The following TFDP2 variants were observed in gnomAD, a reference collection of about 807,000 sequenced individuals.
TFDP2 encodes the protein transcription factor Dp-2.
Under a neutral mutation model 59.3 loss-of-function variants are expected in TFDP2, and 17 were observed. The observed-to-expected ratio is 0.29, with a 90% confidence interval of 0.20 to 0.43. The LOEUF (loss-of-function observed/expected upper bound fraction) is 0.43, where lower values mean the gene tolerates loss of function less well. Among genes scored for constraint, TFDP2 ranks in the 20% least tolerant of loss-of-function variants. TFDP2 has a pLI of 1.00. For synonymous variants in TFDP2, 180 were observed against 194.7 expected, an observed-to-expected ratio of 0.92 and a Z score of 0.63; for missense variants, 391 against 528.8, an observed-to-expected ratio of 0.74 and a Z score of 2.56.
At chr3:141,980,638 T>C (rs983396580) in intron 6 of TFDP2, among the ~76,000 whole-genome samples, 1 of 152,054 alleles carries the variant, frequency 6.6e-6, no homozygotes, top group African/African-American at 2.4e-5. Flanking sequence ...CGGGTTCAAG[T>C]GATTCTCCTG....
intron 6 of TFDP2, among the ~76,000 whole-genome samples, chr3:141,982,249 G>C (rs1941569923): frequency 6.6e-6 from 1 of 152,092 alleles, no homozygotes; most frequent in East Asian, 1.9e-4. Flanking sequence ...ATTAACTTCA[G>C]ATATTTATTT....
chr3:142,101,903 T>C (rs766339483), intron 1 of TFDP2, 62 bp from the exon 2 acceptor site: 2 of 455,654 alleles, frequency 4.4e-6, no homozygotes, highest in Non-Finnish European at 7.8e-6. Flanking sequence ...ATTTATGTCA[T>C]ATTTACTATG....
At chr3:141,969,055 A>G (rs1193730145) in intron 9 of TFDP2, among the ~76,000 whole-genome samples, 4 of 66,902 alleles carry the variant, frequency 6.0e-5, no homozygotes, top group South Asian at 8.6e-4. Context: ...TATATATAAC[A>G]TATATATCTC....
At chr3:142,061,616 C>T (rs2059915059) in intron 3 of TFDP2, among the ~76,000 whole-genome samples, 1 of 152,076 alleles carries the variant, frequency 6.6e-6, no homozygotes, top group Non-Finnish European at 1.5e-5. Context: ...GGACATTCAT[C>T]TTTTCCTGCC....
At chr3:142,044,194 C>G in intron 3 of TFDP2, 2 of 390,280 alleles carry the variant, frequency 5.1e-6, no homozygotes, top group South Asian at 6.8e-5. Context: ...CCTGAGCATA[C>G]TCATGGCTGC....
At chr3:142,015,968 CTAA>C (rs1945102817) in intron 3 of TFDP2, among the ~76,000 whole-genome samples, 1 of 152,104 alleles carries the variant, frequency 6.6e-6, no homozygotes, top group African/African-American at 2.4e-5. Flanking sequence ...AAATATCTGA[CTAA>C]TAATGTTTAT....
At chr3:141,960,111 T>C (rs1937176723) in intron 10 of TFDP2, among the ~76,000 whole-genome samples, 1 of 152,178 alleles carries the variant, frequency 6.6e-6, no homozygotes, top group Non-Finnish European at 1.5e-5. Context: ...GGATAGAAAT[T>C]TTATTCTAAA....
chr3:142,117,519 C>T (rs1254739971), intron 1 of TFDP2, among the ~76,000 whole-genome samples: 2 of 151,882 alleles, frequency 1.3e-5, no homozygotes, highest in African/African-American at 4.8e-5. Context: ...GAAAAAGACT[C>T]TGTGAGAAAG....
chr3:142,002,167 G>A (rs919540117), intron 4 of TFDP2, among the ~76,000 whole-genome samples: 1 of 151,670 alleles, frequency 6.6e-6, no homozygotes, highest in Non-Finnish European at 1.5e-5. Context: ...GCTAATTTTT[G>A]TATTTTTAGT....
intron 2 of TFDP2, among the ~76,000 whole-genome samples, chr3:142,094,392 C>T (rs1176726016): frequency 6.6e-6 from 1 of 151,948 alleles, no homozygotes; most frequent in East Asian, 1.9e-4. Flanking sequence ...GCAACCTCCG[C>T]CTCCCGGGTT....
intron 3 of TFDP2, among the ~76,000 whole-genome samples, chr3:142,026,216 G>A (rs980499617): frequency 2.6e-5 from 4 of 151,984 alleles, no homozygotes; most frequent in African/African-American, 4.8e-5. Flanking sequence ...TTAGCTGAGC[G>A]TGGTGGTGGA....
At chr3:141,978,393 A>T in intron 7 of TFDP2, 127 bp downstream of exon 7, 2 of 1,035,412 alleles carry the variant, frequency 1.9e-6, no homozygotes, top group South Asian at 4.8e-5. Flanking sequence ...CAACAACAAC[A>T]AAAAATCCCC....
In TFDP2 at chr3:141,949,807, A is replaced by ATTT. The variant is rs759658026; in HGVS notation, c.*2703_*2705dup. 2.1e-3 allele frequency: 201 copies of ATTT among 97,984 alleles called. 12 individuals carry two copies. Among genetic ancestry groups the ATTT allele is most frequent in the East Asian group, 0.012 (40 of 3,250 alleles). The allele number at this position is 97,984 out of a possible 1,614,324, so 6.1% of individuals were successfully genotyped here. A position where few individuals can be genotyped will look rare whatever the true frequency, so the allele number is the denominator to read the frequency against. On this transcript the variant is annotated 3_prime_UTR_variant, in exon 13 of 13. Coordinates refer to ENST00000489671, the MANE Select transcript of TFDP2 (RefSeq NM_001178139.2). ...CCTGGGCATTGTGACCACAACTTCC[A>ATTT]TTTTTTTTTTTTTTTTTTTTGAGAC...
In TFDP2 at chr3:142,079,906, A is replaced by G. The variant is rs568395907; in HGVS notation, c.82+13155T>C. Reference sequence around the variant, plus strand: ...AAGAAATTCTAAAGAAATTCCTTCAATCTAAAAGAAAAGGATGTTAATGAG... The same window carrying G: ...AAGAAATTCTAAAGAAATTCCTTCAGTCTAAAAGAAAAGGATGTTAATGAG... On this transcript the variant is annotated intron_variant, in intron 3 of 12. Transcript: ENST00000489671. Among the ~76,000 whole-genome samples, 5 of 152,350 alleles carry G rather than the reference A, an allele frequency of 3.3e-5. No individual in the cohort carries two copies. The South Asian group carries it at 1.0e-3, about 32-fold the overall frequency.
intron 6 of TFDP2, among the ~76,000 whole-genome samples, chr3:141,982,207 T>C (rs1941563420): frequency 6.6e-6 from 1 of 152,164 alleles, no homozygotes; most frequent in Non-Finnish European, 1.5e-5. Flanking sequence ...TACAATATTT[T>C]GGATATATTG....
intron 3 of TFDP2, among the ~76,000 whole-genome samples, chr3:142,069,998 C>T (rs2060192862): frequency 6.6e-6 from 1 of 151,666 alleles, no homozygotes; most frequent in Admixed American, 6.6e-5. Context: ...CTCCGTTTCC[C>T]AAATTTAAGC....
chr3:142,041,778 G>A (rs2108449195), intron 3 of TFDP2, among the ~76,000 whole-genome samples: 1 of 152,266 alleles, frequency 6.6e-6, no homozygotes, highest in African/African-American at 2.4e-5. Flanking sequence ...TCTTCTAGAA[G>A]TTTTATAGTT....
chr3:142,058,112 C>T lies in TFDP2; in HGVS notation c.82+34949G>A, dbSNP rs139195122. On this transcript the variant is annotated intron_variant, in intron 3 of 12. Coordinates refer to ENST00000489671, the MANE Select transcript of TFDP2 (RefSeq NM_001178139.2). ...TTACATCTCCACTGATTTATACAGC[C>T]TGATTTAACCCTTGTTTATTTATAA... is the stretch of plus-strand genomic sequence containing the variant. Among the ~76,000 whole-genome samples, 9 of 152,256 alleles carry T rather than the reference C, an allele frequency of 5.9e-5. No homozygotes were observed. In the East Asian group the frequency reaches 1.5e-3, roughly 26 times the overall value.
chr3:142,114,752 A>G (rs1450616425), intron 1 of TFDP2, among the ~76,000 whole-genome samples: 1 of 152,146 alleles, frequency 6.6e-6, no homozygotes, highest in Non-Finnish European at 1.5e-5. Flanking sequence ...AAGCTATAGA[A>G]GAGCACAAAG....
Sources: gnomAD v4.1 joint callset for allele counts (sites outside exome capture counted in the v4.1 genomes callset) on GRCh38, gnomAD v4.1.1 for gene constraint, MANE v1.5 for transcripts, NCBI Gene and HGNC (gene_info 2026-07-23, HGNC 2026-07-21) for gene names.